TMEM132D: variants seen among roughly 807,000 people sequenced by gnomAD.
TMEM132D encodes mature OL transmembrane protein.
TMEM132D carries 21 observed loss-of-function variants against 62.3 expected under a neutral mutation model. The ratio of observed to expected loss-of-function variants is 0.34; its 90% confidence interval spans 0.24 to 0.49. The LOEUF is 0.49. TMEM132D is among the 20% of genes least tolerant of loss of function. The pLI is 0.99. For missense variants in TMEM132D, 1,346 were observed against 1,402.8 expected, an observed-to-expected ratio of 0.96 and a Z score of 0.65; for synonymous variants, 621 against 575.6, an observed-to-expected ratio of 1.08 and a Z score of -1.13.
At chr12:129,093,148 C>G (rs973565997) in intron 5 of TMEM132D, among the ~76,000 whole-genome samples, 2 of 152,154 alleles carry the variant, frequency 1.3e-5, no homozygotes, top group Non-Finnish European at 2.9e-5. Flanking sequence ...CAGGGACATG[C>G]CACAGATGGG....
At position 129,089,165 on chromosome 12, in the gene TMEM132D, G is replaced by A. The variant is rs1468826362; in HGVS notation, c.1444-4463C>T. ...CTATGACCGGGTGTCCTCCCTGACC[G>A]GGTGTCCTCCATGACCGGGATGTCC... On this transcript the variant is annotated intron_variant, in intron 5 of 8. Transcript: ENST00000422113. 5.4e-5 allele frequency among the ~76,000 whole-genome samples: 2 copies of A among 37,050 alleles called. 1 individual carries two copies. Among genetic ancestry groups the A allele is most frequent in the Admixed American group, 5.7e-4 (2 of 3,522 alleles). 24.3% of individuals were successfully genotyped at this position (37,050 alleles called of 152,430 possible). A position where few individuals can be genotyped will look rare whatever the true frequency, so the allele number is the denominator to read the frequency against.
intron 3 of TMEM132D, among the ~76,000 whole-genome samples, chr12:129,437,321 G>A (rs78661973): frequency 0.15 from 22,588 of 152,042 alleles, 1,871 homozygotes; most frequent in South Asian, 0.27. Flanking sequence ...AGGGAGCAGA[G>A]CCCTTGCACC....
chr12:129,523,545 G>A (rs11060393), intron 3 of TMEM132D, among the ~76,000 whole-genome samples: 1 of 152,030 alleles, frequency 6.6e-6, no homozygotes, highest in Non-Finnish European at 1.5e-5. Flanking sequence ...CGGCAGCTCC[G>A]GCTAGCAAAG....
At chr12:129,849,540 A>G (rs1244719087) in intron 1 of TMEM132D, among the ~76,000 whole-genome samples, 1 of 152,246 alleles carries the variant, frequency 6.6e-6, no homozygotes, top group Non-Finnish European at 1.5e-5. Flanking sequence ...ATGACTATTT[A>G]TACCACATAA....
chr12:129,566,283 A>T (rs1337887184), intron 2 of TMEM132D, among the ~76,000 whole-genome samples: 1 of 152,222 alleles, frequency 6.6e-6, no homozygotes, highest in Non-Finnish European at 1.5e-5. Context: ...GAATTTTGGA[A>T]AACTGGTATC....
intron 3 of TMEM132D, among the ~76,000 whole-genome samples, chr12:129,397,861 A>G (rs1871475215): frequency 6.6e-6 from 1 of 152,216 alleles, no homozygotes; most frequent in African/African-American, 2.4e-5. Context: ...AGAGCCAGAA[A>G]GCATTCAAGA....
chr12:129,810,800 G>A (rs1280600750), intron 1 of TMEM132D, among the ~76,000 whole-genome samples: 4 of 152,130 alleles, frequency 2.6e-5, no homozygotes, highest in Admixed American at 6.6e-5. Context: ...CTTGAACAAT[G>A]TCCAAAAAAT....
chr12:129,504,992 T>C (rs1875285801), intron 3 of TMEM132D, among the ~76,000 whole-genome samples: 1 of 152,214 alleles, frequency 6.6e-6, no homozygotes, highest in African/African-American at 2.4e-5. Flanking sequence ...CAAGAACAGG[T>C]TACTTAATTC....
intron 5 of TMEM132D, among the ~76,000 whole-genome samples, chr12:129,131,483 T>C (rs1312098142): frequency 1.3e-5 from 2 of 152,178 alleles, no homozygotes; most frequent in African/African-American, 4.8e-5. Flanking sequence ...GGTGCATGCC[T>C]GTAATCCCAG....
At chr12:129,882,283 CCTAACACCAAAAGTA>C (rs2137386592) in intron 1 of TMEM132D, among the ~76,000 whole-genome samples, 2 of 152,048 alleles carry the variant, frequency 1.3e-5, no homozygotes, top group South Asian at 4.2e-4. Context: ...CCCGTAGTAC[CCTAACACCAAAAGTA>C]GACAAAGACA....
intron 1 of TMEM132D, among the ~76,000 whole-genome samples, chr12:129,742,350 GC>G (rs1869636629): frequency 1.3e-5 from 2 of 152,128 alleles, no homozygotes; most frequent in Non-Finnish European, 2.9e-5. Context: ...TGAAGAGGGA[GC>G]CAACATGTCA....
intron 4 of TMEM132D, among the ~76,000 whole-genome samples, chr12:129,266,505 C>T (rs927084605): frequency 5.3e-5 from 8 of 150,414 alleles, no homozygotes; most frequent in Non-Finnish European, 1.2e-4. Context: ...TTTTCCTTTC[C>T]CTTTCTCTTA....
At chr12:129,395,958 A>G (rs1476215496) in intron 3 of TMEM132D, among the ~76,000 whole-genome samples, 2 of 141,730 alleles carry the variant, frequency 1.4e-5, no homozygotes, top group Admixed American at 7.1e-5. Flanking sequence ...ATAAAATAAT[A>G]TATAATATAT....
chr12:129,452,961 C>T (rs544351758), intron 3 of TMEM132D, among the ~76,000 whole-genome samples: 1 of 152,286 alleles, frequency 6.6e-6, no homozygotes, highest in Non-Finnish European at 1.5e-5. Flanking sequence ...TGGTTGGTGG[C>T]CTGTTAGGTA....
chr12:129,708,626 A>C (rs1363519644), intron 1 of TMEM132D, among the ~76,000 whole-genome samples: 3 of 88,908 alleles, frequency 3.4e-5, no homozygotes, highest in African/African-American at 4.5e-5. Context: ...AAAAAAAAAA[A>C]AAAAACACAC....
At chr12:129,271,152 A>T (rs1373805952) in intron 4 of TMEM132D, among the ~76,000 whole-genome samples, 4 of 152,218 alleles carry the variant, frequency 2.6e-5, no homozygotes, top group Non-Finnish European at 5.9e-5. Context: ...GAAGAAAAAA[A>T]TCAGGCCATG....
intron 1 of TMEM132D, among the ~76,000 whole-genome samples, chr12:129,801,184 CG>C (rs1297024607): frequency 6.6e-6 from 1 of 152,208 alleles, no homozygotes; most frequent in Non-Finnish European, 1.5e-5. Context: ...ACAAAGCAGC[CG>C]GGAAGCTCCA....
intron 5 of TMEM132D, among the ~76,000 whole-genome samples, chr12:129,147,579 C>T (rs1046673578): frequency 6.6e-6 from 1 of 152,068 alleles, no homozygotes; most frequent in Non-Finnish European, 1.5e-5. Flanking sequence ...TAGTTTTTTT[C>T]TCCCTCCAGT....
chr12:129,346,308 G>T (rs879326291), intron 3 of TMEM132D, among the ~76,000 whole-genome samples: 4 of 151,862 alleles, frequency 2.6e-5, no homozygotes, highest in Non-Finnish European at 5.9e-5. Flanking sequence ...TTCTTATTTT[G>T]TCTATTTGAT....
Sources: gnomAD v4.1 joint callset for allele counts (sites outside exome capture counted in the v4.1 genomes callset) on GRCh38, gnomAD v4.1.1 for gene constraint, MANE v1.5 for transcripts, NCBI Gene and HGNC (gene_info 2026-07-23, HGNC 2026-07-21) for gene names.